PPFIBP2: variants seen among roughly 807,000 people sequenced by gnomAD.
PPFIBP2 encodes PPFIB scaffold protein 2.
A neutral mutation model predicts 118.3 loss-of-function variants in PPFIBP2; 118 were observed. The observed-to-expected ratio is 1.00, with a 90% CI of 0.86 to 1.16. PPFIBP2 has a LOEUF of 1.16. PPFIBP2 is among the 50% of genes most tolerant of loss of function. The pLI, the probability that PPFIBP2 is intolerant of heterozygous loss-of-function variation, is 0.00. For synonymous variants in PPFIBP2, 414 were observed against 397.4 expected, an observed-to-expected ratio of 1.04 and a Z score of -0.50; for missense variants, 1,195 against 1,073.1, an observed-to-expected ratio of 1.11 and a Z score of -1.59.
rs780991512 is a variant in PPFIBP2 at position 7,514,092 on chromosome 11, C to G, written c.-66C>G. Reference sequence around the variant, plus strand: ...GGGAGCGGCCCGCACACCTGAGCCGCCCGGAGAGGAGCCTCGGCCCCGTAC... The same window carrying G: ...GGGAGCGGCCCGCACACCTGAGCCGGCCGGAGAGGAGCCTCGGCCCCGTAC... On this transcript the variant is annotated 5_prime_UTR_variant, in exon 1 of 24. Coordinates refer to ENST00000299492, the MANE Select transcript of PPFIBP2 (RefSeq NM_003621.5). 3 of 152,336 alleles carry G rather than the reference C, an allele frequency of 2.0e-5. No homozygotes were observed. Among genetic ancestry groups the G allele is most frequent in the Admixed American group, 1.3e-4 (2 of 15,294 alleles). The allele number at this position is 152,336 out of a possible 1,614,324, so 9.4% of individuals were successfully genotyped here.
At chr11:7,598,066 C>G (rs1860723299) in intron 5 of PPFIBP2, 1 of 166,236 alleles carries the variant, frequency 6.0e-6, no homozygotes, top group African/African-American at 2.4e-5. Context: ...CTGCCTCTTC[C>G]TACTGTATAT....
chr11:7,593,418 A>AG (rs368516125), intron 4 of PPFIBP2, among the ~76,000 whole-genome samples, 194 bp downstream of exon 4: 108 of 152,280 alleles, frequency 7.1e-4, no homozygotes, highest in Middle Eastern at 3.4e-3. Flanking sequence ...GACTTGGCTT[A>AG]GGGGGGCTGT....
At chr11:7,663,679 G>A in the PPFIBP2 span, among the ~76,000 whole-genome samples, 13 of 152,232 alleles carry the variant, frequency 8.5e-5, no homozygotes, top group Non-Finnish European at 1.6e-4. Flanking sequence ...GCTCCACCCA[G>A]TTCGAGCTTC....
At position 7,549,384 on chromosome 11, in the gene PPFIBP2, G is replaced by A. The variant is rs997591004; in HGVS notation, c.-36-56G>A. The A allele has an allele frequency of 5.5e-6, 8 of 1,465,650 alleles. No homozygotes were observed. In the Admixed American group the frequency reaches 8.1e-5, roughly 15 times the overall value. The allele number at this position is 1,465,650 out of a possible 1,614,324, so 90.8% of individuals were successfully genotyped here. ...GAATGAAAGATTTTTGCGATCTTGT[G>A]TGCGTAACATGGAACTCTCTGTAAT... On this transcript the variant is annotated intron_variant, in intron 1 of 23. Coordinates refer to ENST00000299492, the MANE Select transcript of PPFIBP2 (RefSeq NM_003621.5).
At chr11:7,576,611 CT>C (rs1430467978) in intron 3 of PPFIBP2, 2 of 152,490 alleles carry the variant, frequency 1.3e-5, no homozygotes, top group Non-Finnish European at 2.9e-5. Flanking sequence ...TTTCCACCTC[CT>C]TGGTTTGTAA....
chr11:7,611,391 C>A, intron 6 of PPFIBP2, among the ~76,000 whole-genome samples: 1 of 152,336 alleles, frequency 6.6e-6, no homozygotes, highest in East Asian at 1.9e-4. Context: ...CTGATAAGTG[C>A]CAGCATTAGT....
intron 3 of PPFIBP2, among the ~76,000 whole-genome samples, chr11:7,570,825 G>A (rs1855578224): frequency 6.6e-6 from 1 of 152,146 alleles, no homozygotes; most frequent in African/African-American, 2.4e-5. Context: ...CACTTCTGTG[G>A]GACTCAGTTT....
In PPFIBP2 at chr11:7,597,462, G is replaced by T. The variant is rs1050331374; in HGVS notation, c.373-98G>T. On this transcript the variant is annotated intron_variant, in intron 4 of 23. Transcript: ENST00000299492. ...TCAAAATCGTTCACTGTGTGTAAGA[G>T]TCAGTGGTGAGATTTAACGGCTCCC... 1.3e-4 allele frequency: 196 copies of T among 1,533,548 alleles called. No homozygotes were observed. In the Middle Eastern group the frequency reaches 1.3e-3, roughly 11 times the overall value. The allele number at this position is 1,533,548 out of a possible 1,614,324, so 95.0% of individuals were successfully genotyped here.
intron 5 of PPFIBP2, among the ~76,000 whole-genome samples, chr11:7,601,153 G>T (rs12421983): frequency 0.14 from 20,773 of 152,046 alleles, 2,763 homozygotes; most frequent in African/African-American, 0.34. Context: ...GAGGTGAGGA[G>T]TTAGTTCCTT....
intron 1 of PPFIBP2, among the ~76,000 whole-genome samples, chr11:7,517,642 C>A (rs182988072): frequency 1.3e-5 from 2 of 151,992 alleles, no homozygotes; most frequent in African/African-American, 4.8e-5. Context: ...AGGGGTGGCT[C>A]GGGGTTAGGA....
chr11:7,604,596 A>C (rs1299275508), intron 5 of PPFIBP2, among the ~76,000 whole-genome samples: 1 of 152,006 alleles, frequency 6.6e-6, no homozygotes, highest in South Asian at 2.1e-4. Flanking sequence ...ATCCACACAC[A>C]CACACCCCCA....
At chr11:7,631,383 C>T (rs558310879) in intron 11 of PPFIBP2, 16 of 203,550 alleles carry the variant, frequency 7.9e-5, no homozygotes, top group Middle Eastern at 1.9e-3. Context: ...CAGTAATGCC[C>T]GATACCCAGT....
At chr11:7,597,722 G>A (rs4758203) in intron 5 of PPFIBP2, 49 bp downstream of exon 5, 380,291 of 1,451,516 alleles carry the variant, frequency 0.26, 53,978 homozygotes, top group East Asian at 0.57. Flanking sequence ...CAGCTCATGT[G>A]CTGAAGCCCC....
rs142653275 is a variant in PPFIBP2 at position 7,546,757 on chromosome 11, C to T, written c.-36-2683C>T. ...TACATGCTTCCCTGGCTTTCCTGTG[C>T]ACCACACTCTCTGCCTGGAACAGCA... On this transcript the variant is annotated intron_variant, in intron 1 of 23. Transcript: ENST00000299492. 2.7e-3 allele frequency among the ~76,000 whole-genome samples: 416 copies of T among 152,366 alleles called. 8 individuals carry two copies. Among genetic ancestry groups the T allele is most frequent in the African/African-American group, 9.7e-3 (403 of 41,588 alleles).
chr11:7,599,797 ATTTTTT>A (rs1200161212), intron 5 of PPFIBP2, among the ~76,000 whole-genome samples: 3 of 117,410 alleles, frequency 2.6e-5, no homozygotes, highest in Non-Finnish European at 3.5e-5. Flanking sequence ...CGCCCGGCTA[ATTTTTT>A]TTTTTTTTTT....
chr11:7,631,218 G>C, intron 11 of PPFIBP2, 190 bp downstream of exon 11: 1 of 558,250 alleles, frequency 1.8e-6, no homozygotes, highest in Non-Finnish European at 3.2e-6. Flanking sequence ...CTGTGCTCTG[G>C]TTGGAGGCAG....
chr11:7,610,722 T>C (rs138753983), intron 6 of PPFIBP2, among the ~76,000 whole-genome samples: 20 of 152,300 alleles, frequency 1.3e-4, no homozygotes, highest in African/African-American at 4.3e-4. Flanking sequence ...GGACACAAGA[T>C]GTCTTCTGTG....
Position 7,649,616 on chromosome 11 carries a change from T to C in PPFIBP2, c.2083T>C (p.Phe695Leu), listed in dbSNP as rs776855239. The part of the protein sequence containing the change: ...CAIHVLHVNK[F>L]NPHCLHRRPA... ...CATTCACGTGCTGCATGTCAACAAG[T>C]TCAACCCCCACTGCCTGCACCGGCG... Residue 695 changes from phenylalanine to leucine, a missense_variant, in exon 21 of 24, where the codon TTC (phenylalanine) becomes CTC (leucine). Transcript: ENST00000299492. 3.8e-5 allele frequency: 62 copies of C among 1,614,098 alleles called. No individual in the cohort carries two copies. Among genetic ancestry groups the C allele is most frequent in the Non-Finnish European group, 5.1e-5 (60 of 1,180,040 alleles).
intron 15 of PPFIBP2, chr11:7,641,126 C>A (rs1852132751): frequency 8.3e-7 from 1 of 1,211,490 alleles, no homozygotes; most frequent in Non-Finnish European, 1.1e-6. Context: ...CTACCCTAAC[C>A]CTCCCCTTCA....
Sources: gnomAD v4.1 joint callset for allele counts (sites outside exome capture counted in the v4.1 genomes callset) on GRCh38, gnomAD v4.1.1 for gene constraint, MANE v1.5 for transcripts, NCBI Gene and HGNC (gene_info 2026-07-23, HGNC 2026-07-21) for gene names.